The following HS2ST1 variants were observed in gnomAD, a reference collection of about 807,000 sequenced individuals.
HS2ST1 encodes 2-O-sulfotransferase.
In HS2ST1, 18 loss-of-function variants were observed where a neutral mutation model predicts 42.9. The ratio of observed to expected loss-of-function variants is 0.42; its 90% CI spans 0.29 to 0.62. HS2ST1 has a LOEUF of 0.62. Ranked by LOEUF, HS2ST1 falls within the 20% of genes least tolerant of loss-of-function variation. The pLI, the probability that HS2ST1 is intolerant of heterozygous loss-of-function variation, is 0.21. For synonymous variants in HS2ST1, 146 were observed against 152.9 expected, an observed-to-expected ratio of 0.95 and a Z score of 0.33; for missense variants, 334 against 433.8, an observed-to-expected ratio of 0.77 and a Z score of 2.04.
intron 1 of HS2ST1, among the ~76,000 whole-genome samples, chr1:87,040,812 T>C (rs1343775625): frequency 6.6e-6 from 1 of 152,132 alleles, no homozygotes; most frequent in East Asian, 1.9e-4. Flanking sequence ...CCAGTAGGCA[T>C]GTTCTGTGAC....
At chr1:86,985,495 T>TAC (rs1288415289) in intron 1 of HS2ST1, among the ~76,000 whole-genome samples, 2 of 75,454 alleles carry the variant, frequency 2.7e-5, no homozygotes, top group African/African-American at 7.8e-5. Context: ...CACATATATA[T>TAC]ACACATATAT....
intron 1 of HS2ST1, among the ~76,000 whole-genome samples, chr1:86,971,187 T>C (rs1003217390): frequency 1.3e-5 from 2 of 152,118 alleles, no homozygotes; most frequent in African/African-American, 4.8e-5. Flanking sequence ...AACAAAGAAA[T>C]TAAATTGGCT....
At chr1:86,940,050 G>A (rs970995607) in intron 1 of HS2ST1, among the ~76,000 whole-genome samples, 1 of 151,960 alleles carries the variant, frequency 6.6e-6, no homozygotes, top group South Asian at 2.1e-4. Flanking sequence ...TGCCTTCTAG[G>A]TTTTTTTTCT....
intron 2 of HS2ST1, among the ~76,000 whole-genome samples, chr1:87,073,373 TC>T (rs1269665864): frequency 1.3e-5 from 2 of 152,222 alleles, no homozygotes; most frequent in Non-Finnish European, 2.9e-5. Flanking sequence ...TAGTATGTAC[TC>T]AAATATTTGT....
intron 1 of HS2ST1, among the ~76,000 whole-genome samples, chr1:87,063,230 T>C (rs1318568015): frequency 1.3e-5 from 2 of 152,170 alleles, no homozygotes; most frequent in Non-Finnish European, 2.9e-5. Context: ...TGCTGTTAGG[T>C]TCAGTAATTT....
chr1:87,072,218 G>T (rs1570529335), intron 1 of HS2ST1, among the ~76,000 whole-genome samples: 1 of 151,902 alleles, frequency 6.6e-6, no homozygotes, highest in African/African-American at 2.4e-5. Flanking sequence ...ACACCAAAAA[G>T]AAAAAGGATT....
At chr1:86,963,132 GA>G (rs1018250304) in intron 1 of HS2ST1, among the ~76,000 whole-genome samples, 1 of 151,770 alleles carries the variant, frequency 6.6e-6, no homozygotes, top group African/African-American at 2.4e-5. Context: ...AGAAGGTACA[GA>G]AAAATTGTGT....
intron 1 of HS2ST1, among the ~76,000 whole-genome samples, chr1:86,925,423 C>A (rs922588789): frequency 6.6e-6 from 1 of 152,120 alleles, no homozygotes. Flanking sequence ...CTGTTTTAGT[C>A]CGTTTTCATG....
At chr1:86,991,066 T>C (rs4655921) in intron 1 of HS2ST1, among the ~76,000 whole-genome samples, 13,230 of 151,038 alleles carry the variant, frequency 0.088, 680 homozygotes, top group Non-Finnish European at 0.12. Context: ...AAATCTTGGA[T>C]TCTGAAGCTC....
At chr1:87,005,665 G>A (rs974801614) in intron 1 of HS2ST1, among the ~76,000 whole-genome samples, 8 of 152,010 alleles carry the variant, frequency 5.3e-5, no homozygotes, top group Non-Finnish European at 7.4e-5. Flanking sequence ...GTTGGCCTTC[G>A]TGGCATGTTT....
chr1:86,955,462 AC>A (rs1406770358), intron 1 of HS2ST1, among the ~76,000 whole-genome samples: 6 of 151,366 alleles, frequency 4.0e-5, no homozygotes, highest in Non-Finnish European at 8.8e-5. Context: ...ATTCCCGCCC[AC>A]CCCCTGTGGA....
At chr1:86,922,296 C>G (rs561364148) in intron 1 of HS2ST1, among the ~76,000 whole-genome samples, 220 of 151,640 alleles carry the variant, frequency 1.5e-3, no homozygotes, top group Non-Finnish European at 2.5e-3. Flanking sequence ...CATTTTACTT[C>G]TATACATGAG....
At chr1:87,061,921 T>C (rs189910767) in intron 1 of HS2ST1, among the ~76,000 whole-genome samples, 77 of 142,562 alleles carry the variant, frequency 5.4e-4, no homozygotes, top group Admixed American at 3.6e-3. Flanking sequence ...TCTTTTCTCT[T>C]TTTTTTTTTT....
At chr1:87,053,767 A>T (rs1650890272) in intron 1 of HS2ST1, among the ~76,000 whole-genome samples, 1 of 152,176 alleles carries the variant, frequency 6.6e-6, no homozygotes, top group South Asian at 2.1e-4. Context: ...TGTTTAATAG[A>T]TTAGTACATG....
intron 1 of HS2ST1, among the ~76,000 whole-genome samples, chr1:87,014,428 C>T (rs1265815640): frequency 1.3e-5 from 2 of 152,172 alleles, no homozygotes; most frequent in African/African-American, 4.8e-5. Context: ...AGTTACCTCC[C>T]ACTGGTTCCC....
intron 1 of HS2ST1, among the ~76,000 whole-genome samples, chr1:86,991,515 T>C (rs1570469251): frequency 2.0e-5 from 3 of 152,348 alleles, no homozygotes; most frequent in South Asian, 2.1e-4. Flanking sequence ...TAGGTTATAA[T>C]GTATTTACAC....
intron 1 of HS2ST1, among the ~76,000 whole-genome samples, chr1:86,949,589 T>G (rs1423809265): frequency 6.6e-6 from 1 of 152,140 alleles, no homozygotes; most frequent in Non-Finnish European, 1.5e-5. Flanking sequence ...AAAAAAAGAT[T>G]CTCTAAGCTT....
intron 1 of HS2ST1, among the ~76,000 whole-genome samples, chr1:86,995,568 A>AT (rs1357210164): frequency 1.3e-5 from 2 of 151,912 alleles, no homozygotes; most frequent in South Asian, 2.1e-4. Context: ...AGGAAATGAA[A>AT]TTTTTTTTCT....
At chr1:86,968,439 T>TC (rs1466225731) in intron 1 of HS2ST1, among the ~76,000 whole-genome samples, 1 of 151,794 alleles carries the variant, frequency 6.6e-6, no homozygotes, top group Admixed American at 6.6e-5. Flanking sequence ...CCTTTTTTTT[T>TC]TGAGCGAGGT....
Sources: allele counts gnomAD v4.1 joint callset (sites outside exome capture counted in the v4.1 genomes callset), GRCh38; gene constraint gnomAD v4.1.1; transcripts MANE v1.5; gene names NCBI Gene and HGNC (gene_info 2026-07-23, HGNC 2026-07-21).